STK39: variants seen among roughly 807,000 people sequenced by gnomAD.
STK39 encodes STE20/SPS1-related proline-alanine-rich protein kinase.
A neutral mutation model predicts 77.8 loss-of-function variants in STK39; 20 were observed. That is an observed-to-expected ratio of 0.26 (90% CI 0.18 to 0.37). The LOEUF is 0.37. Ranked by LOEUF, STK39 falls within the 10% of genes least tolerant of loss-of-function variation. The pLI is 1.00. For missense variants in STK39, 479 were observed against 656.5 expected, an observed-to-expected ratio of 0.73 and a Z score of 2.95; for synonymous variants, 246 against 234.1, an observed-to-expected ratio of 1.05 and a Z score of -0.47.
chr2:168,042,581 T>C (rs1199336579), intron 14 of STK39, among the ~76,000 whole-genome samples: 1 of 150,510 alleles, frequency 6.6e-6, no homozygotes, highest in Non-Finnish European at 1.5e-5. Flanking sequence ...TTCCTTCTTT[T>C]TTTTTTTTTT....
chr2:168,245,907 T>C (rs1690885785), intron 1 of STK39, among the ~76,000 whole-genome samples: 1 of 152,160 alleles, frequency 6.6e-6, no homozygotes, highest in Non-Finnish European at 1.5e-5. Context: ...CTGAAGCTTG[T>C]ATATATCCTA....
At chr2:168,242,693 G>T (rs962887237) in intron 1 of STK39, among the ~76,000 whole-genome samples, 5 of 148,600 alleles carry the variant, frequency 3.4e-5, no homozygotes, top group Non-Finnish European at 7.4e-5. Context: ...GAGCAGCTTG[G>T]GCAACATAGT....
At chr2:168,023,261 C>CT (rs373354840) in intron 14 of STK39, among the ~76,000 whole-genome samples, 30,476 of 139,854 alleles carry the variant, frequency 0.22, 3,554 homozygotes, top group African/African-American at 0.33. Context: ...TGCTGACAAA[C>CT]TTTTTTTTTT....
chr2:168,040,959 C>T (rs1410732777), intron 14 of STK39, among the ~76,000 whole-genome samples: 1 of 152,156 alleles, frequency 6.6e-6, no homozygotes, highest in Non-Finnish European at 1.5e-5. Context: ...TTAAGTTACA[C>T]AGGTCCCATA....
chr2:168,236,912 G>A (rs1364506488), intron 1 of STK39, among the ~76,000 whole-genome samples: 1 of 152,074 alleles, frequency 6.6e-6, no homozygotes, highest in Non-Finnish European at 1.5e-5. Flanking sequence ...TTTTGTCTTA[G>A]GATTGACTTG....
chr2:168,129,152 A>C (rs559414378), intron 10 of STK39, among the ~76,000 whole-genome samples: 11 of 152,336 alleles, frequency 7.2e-5, no homozygotes, highest in African/African-American at 2.6e-4. Flanking sequence ...CAAACCATTA[A>C]AAGTTGTGTT....
At chr2:168,118,969 T>C (rs961413603) in intron 10 of STK39, among the ~76,000 whole-genome samples, 2 of 152,196 alleles carry the variant, frequency 1.3e-5, no homozygotes, top group African/African-American at 2.4e-5. Flanking sequence ...TGTGAACGCC[T>C]GTCCCTGTAA....
intron 16 of STK39, among the ~76,000 whole-genome samples, chr2:168,008,977 C>T (rs760971726): frequency 1.6e-4 from 25 of 152,302 alleles, no homozygotes; most frequent in Non-Finnish European, 2.8e-4. Context: ...TCCAGCCACG[C>T]CTACCTGTGC....
intron 14 of STK39, among the ~76,000 whole-genome samples, chr2:168,021,440 C>T (rs575354172): frequency 6.3e-4 from 96 of 152,184 alleles, no homozygotes; most frequent in African/African-American, 2.3e-3. Context: ...CTAATTGGAG[C>T]GAACTACTGA....
At chr2:168,111,151 C>CATTATAGGGTTCTA (rs1261325542) in intron 10 of STK39, among the ~76,000 whole-genome samples, 2 of 152,060 alleles carry the variant, frequency 1.3e-5, no homozygotes, top group Non-Finnish European at 2.9e-5. Flanking sequence ...ATTCATAGTT[C>CATTATAGGGTTCTA]ATTATAGGGT....
At chr2:167,986,913 T>C (rs897720477) in intron 16 of STK39, among the ~76,000 whole-genome samples, 1 of 152,116 alleles carries the variant, frequency 6.6e-6, no homozygotes, top group Non-Finnish European at 1.5e-5. Flanking sequence ...AAAAGAGTGC[T>C]GACTTAGGGA....
intron 5 of STK39, among the ~76,000 whole-genome samples, chr2:168,147,974 G>C (rs1007353663): frequency 9.9e-5 from 15 of 152,246 alleles, no homozygotes; most frequent in Admixed American, 8.5e-4. Context: ...TCTTCCTAAA[G>C]TGCAGTTTCT....
At chr2:168,141,748 G>A (rs528297028) in intron 5 of STK39, among the ~76,000 whole-genome samples, 3 of 152,262 alleles carry the variant, frequency 2.0e-5, no homozygotes, top group Non-Finnish European at 2.9e-5. Context: ...CCTGCAAATC[G>A]CTCTCATACG....
chr2:168,094,257 G>A (rs1289468361), intron 10 of STK39, among the ~76,000 whole-genome samples: 1 of 152,198 alleles, frequency 6.6e-6, no homozygotes, highest in Non-Finnish European at 1.5e-5. Context: ...CTTACAGAGT[G>A]AGTCTTATCT....
At chr2:167,993,845 A>G (rs1683764993) in intron 16 of STK39, among the ~76,000 whole-genome samples, 2 of 145,358 alleles carry the variant, frequency 1.4e-5, no homozygotes, top group African/African-American at 5.2e-5. Flanking sequence ...ATATAAAAAC[A>G]TACAGAATTG....
chr2:168,198,783 T>C (rs1016807464), intron 1 of STK39, among the ~76,000 whole-genome samples: 2 of 152,232 alleles, frequency 1.3e-5, no homozygotes, highest in African/African-American at 4.8e-5. Flanking sequence ...GATGAAACAC[T>C]TCAAGAGACA....
chr2:168,131,073 G>A (rs1409892779), intron 8 of STK39, among the ~76,000 whole-genome samples: 1 of 152,200 alleles, frequency 6.6e-6, no homozygotes, highest in Non-Finnish European at 1.5e-5. Context: ...ATTTTCTTAG[G>A]TGTGGAAAAT....
intron 16 of STK39, among the ~76,000 whole-genome samples, chr2:167,977,149 G>A (rs1345651154): frequency 2.6e-5 from 4 of 152,032 alleles, no homozygotes; most frequent in Admixed American, 6.6e-5. Context: ...TGTCTGATTC[G>A]GTTTGGCGTA....
intron 14 of STK39, among the ~76,000 whole-genome samples, chr2:168,018,335 A>G (rs1248995822): frequency 6.6e-6 from 1 of 151,904 alleles, no homozygotes; most frequent in Non-Finnish European, 1.5e-5. Context: ...CCCCATCTCT[A>G]CTAAAAATAC....
Sources: allele counts gnomAD v4.1 joint callset (sites outside exome capture counted in the v4.1 genomes callset), GRCh38; gene constraint gnomAD v4.1.1; transcripts MANE v1.5; gene names NCBI Gene and HGNC (gene_info 2026-07-23, HGNC 2026-07-21).